BIRC6: variants seen among roughly 807,000 people sequenced by gnomAD.
BIRC6 encodes the protein dual E2 ubiquitin-conjugating enzyme/E3 ubiquitin-protein ligase BIRC6.
In BIRC6, 98 loss-of-function variants were observed where a neutral mutation model predicts 503.3. The observed-to-expected ratio is 0.19, with a 90% confidence interval of 0.17 to 0.23. The LOEUF (loss-of-function observed/expected upper bound fraction) is 0.23, where lower values mean the gene tolerates loss of function less well. BIRC6 is among the 10% of genes least tolerant of loss of function. The pLI, the probability that BIRC6 is intolerant of heterozygous loss-of-function variation, is 1.00. For missense variants in BIRC6, 5,360 were observed against 5,806.0 expected (o/e 0.92, Z 2.50); for synonymous variants, 2,240 against 2,078.7 (o/e 1.08, Z -2.11).
intron 1 of BIRC6, among the ~76,000 whole-genome samples, chr2:32,375,566 C>A (rs1287867535): frequency 6.6e-6 from 1 of 151,444 alleles, no homozygotes; most frequent in African/African-American, 2.4e-5. Context: ...AGATTACAGG[C>A]ATGAGCCACC....
chr2:32,380,842 G>T (rs1332092557), intron 3 of BIRC6, among the ~76,000 whole-genome samples: 2 of 152,140 alleles, frequency 1.3e-5, no homozygotes, highest in Non-Finnish European at 2.9e-5. Flanking sequence ...ATCTTTCTTA[G>T]TGCCTGATGG....
intron 10 of BIRC6, among the ~76,000 whole-genome samples, chr2:32,417,009 G>A (rs1209336912): frequency 6.6e-6 from 1 of 151,090 alleles, no homozygotes; most frequent in Non-Finnish European, 1.5e-5. Flanking sequence ...CTAATTTTTT[G>A]TATGTTTAGT....
intron 10 of BIRC6, among the ~76,000 whole-genome samples, chr2:32,421,817 G>A (rs944738993): frequency 7.9e-5 from 12 of 152,152 alleles, no homozygotes; most frequent in Admixed American, 1.3e-4. Flanking sequence ...GCACCCATGG[G>A]GTAGAGTGTC....
chr2:32,464,665 A>T lies in BIRC6; in HGVS notation c.5098A>T (p.Thr1700Ser), dbSNP rs759273308. The T allele has an allele frequency of 6.2e-7, 1 of 1,613,814 alleles. No homozygotes were observed. Among genetic ancestry groups the T allele is most frequent in the Admixed American group, 1.7e-5 (1 of 59,992 alleles). ...PSDVIPPTPK[T>S]TPLFMTPPLT... ...TGATGTTATTCCACCCACTCCAAAA[A>T]CAACACCTCTTTTTATGACTCCACC... The change falls in exon 25 of 74, where the codon ACA becomes TCA. Residue 1700 changes from threonine (T) to serine (S), a missense_variant. Transcript: ENST00000421745.
chr2:32,371,042 G>A (rs940664386), intron 1 of BIRC6, among the ~76,000 whole-genome samples: 1 of 151,646 alleles, frequency 6.6e-6, no homozygotes, highest in Non-Finnish European at 1.5e-5. Flanking sequence ...GCAAAACCCT[G>A]TCTCTACAAA....
At position 32,448,852 on chromosome 2, in the gene BIRC6, C is replaced by T; in HGVS notation, c.4542C>T (p.Gly1514=). ...DPVLFDLEMS[G]SSCKNVYNSS... is the part of the protein sequence containing the mutation. ...TCCTCTTTGATTTGGAGATGAGTGG[C>T]TCTTCTTGTAAAAATGTTTATAACA... The change falls in exon 22 of 74, where the codon GGC becomes GGT. Residue 1514 remains glycine, a synonymous_variant. Coordinates refer to ENST00000421745, the MANE Select transcript of BIRC6 (RefSeq NM_016252.4). The T allele has an allele frequency of 6.2e-7, 1 of 1,613,250 alleles. No homozygotes were observed. The highest frequency in any genetic ancestry group is 8.5e-7 in the Non-Finnish European group (1 of 1,179,348).
chr2:32,524,465 A>G (rs1243498567), intron 57 of BIRC6, among the ~76,000 whole-genome samples: 1 of 152,172 alleles, frequency 6.6e-6, no homozygotes, highest in Non-Finnish European at 1.5e-5. Flanking sequence ...CCATATACAG[A>G]TTATATCAGT....
chr2:32,438,558 C>CTTT (rs1242771915), intron 15 of BIRC6, among the ~76,000 whole-genome samples: 10 of 126,964 alleles, frequency 7.9e-5, no homozygotes, highest in East Asian at 6.8e-4. Context: ...TTTGAGTGTT[C>CTTT]TTTTTTTTTT....
At chr2:32,423,515 CT>C (rs1245672684) in intron 10 of BIRC6, among the ~76,000 whole-genome samples, 1 of 152,136 alleles carries the variant, frequency 6.6e-6, no homozygotes, top group African/African-American at 2.4e-5. Context: ...TATGACTTTG[CT>C]TATTGTAGAT....
intron 66 of BIRC6, among the ~76,000 whole-genome samples, chr2:32,586,837 T>G (rs911364959): frequency 3.3e-5 from 5 of 152,212 alleles, no homozygotes; most frequent in Non-Finnish European, 5.9e-5. Context: ...TCTATAGATT[T>G]TAGCATTCGG....
At chr2:32,407,252 C>G (rs981023135) in intron 9 of BIRC6, among the ~76,000 whole-genome samples, 6 of 151,946 alleles carry the variant, frequency 3.9e-5, no homozygotes, top group African/African-American at 4.8e-5. Flanking sequence ...TCGAGACCAG[C>G]CTGGCCAACA....
At position 32,586,571 on chromosome 2, in the gene BIRC6, A is replaced by G. The variant is rs558253595; in HGVS notation, c.13356-7344A>G. 9.3e-5 allele frequency among the ~76,000 whole-genome samples: 14 copies of G among 151,020 alleles called. No homozygotes were observed. The East Asian group carries it at 2.8e-3, about 30-fold the overall frequency. ...GTAGCTGGGACTACAGGCGTACACC[A>G]CCACTCCCGGCGAATTTTTGTGTTT... On this transcript the variant is annotated intron_variant, in intron 66 of 73. Transcript: ENST00000421745.
chr2:32,401,131 A>G, intron 6 of BIRC6, 32 bp from the exon 7 acceptor site: 1 of 1,570,520 alleles, frequency 6.4e-7, no homozygotes, highest in South Asian at 1.1e-5. Context: ...CTTTATTTTT[A>G]GTAAACTTTT....
chr2:32,610,023 A>G (rs1281730992), intron 72 of BIRC6, among the ~76,000 whole-genome samples: 1 of 151,980 alleles, frequency 6.6e-6, no homozygotes, highest in Non-Finnish European at 1.5e-5. Flanking sequence ...TTTAAAATAT[A>G]TTTTTTTGGT....
chr2:32,513,053 A>G lies in BIRC6; in HGVS notation c.10467A>G (p.Pro3489=), dbSNP rs769854561. ...SSTVEYGLLM[P]SPSHLHCVAA... ...CAGTAGAGTATGGTCTTCTGATGCC[A>G]TCTCCTTCTCATTTGCACTGTGTAG... The change falls in exon 54 of 74, where the codon CCA becomes CCG. Residue 3489 remains proline, a synonymous_variant. Transcript: ENST00000421745. The G allele has an allele frequency of 1.9e-6, 3 of 1,613,640 alleles. No individual in the cohort carries two copies. The highest frequency in any genetic ancestry group is 1.3e-5 in the African/African-American group (1 of 74,912).
At chr2:32,477,703 A>T in intron 35 of BIRC6, 120 bp downstream of exon 35, 18 of 469,090 alleles carry the variant, frequency 3.8e-5, no homozygotes, top group South Asian at 6.7e-5. Flanking sequence ...GTTCCAGACT[A>T]GTGTGGGCAA....
At chr2:32,362,563 C>T (rs1399690011) in intron 1 of BIRC6, among the ~76,000 whole-genome samples, 1 of 152,000 alleles carries the variant, frequency 6.6e-6, no homozygotes, top group East Asian at 1.9e-4. Flanking sequence ...CATGATCTGC[C>T]TGCCTCGGCC....
In BIRC6 at chr2:32,369,634, G is replaced by A. The variant is rs541742311; in HGVS notation, c.326-7954G>A. On this transcript the variant is annotated intron_variant, in intron 1 of 73. Coordinates refer to ENST00000421745, the MANE Select transcript of BIRC6 (RefSeq NM_016252.4). ...GTAGAGACAGGGTTTCACCTTATTG[G>A]CCAGGCTGGTCTCGAACTCCTGACC... Among the ~76,000 whole-genome samples the A allele has an allele frequency of 2.0e-4, 30 of 151,678 alleles. 1 individual carries two copies. The highest frequency in any genetic ancestry group is 6.8e-3 in the Middle Eastern group (2 of 294).
intron 27 of BIRC6, 34 bp downstream of exon 27, chr2:32,467,773 T>G: frequency 6.4e-7 from 1 of 1,552,188 alleles, no homozygotes; most frequent in Non-Finnish European, 8.7e-7. Flanking sequence ...TTGATACGCT[T>G]TCTATGTTTC....
Sources: gnomAD v4.1 joint callset for allele counts (sites outside exome capture counted in the v4.1 genomes callset) on GRCh38, gnomAD v4.1.1 for gene constraint, MANE v1.5 for transcripts, NCBI Gene and HGNC (gene_info 2026-07-23, HGNC 2026-07-21) for gene names.